Variants in CNTNAP2 observed in about 807,000 individuals in gnomAD.
CNTNAP2 encodes contactin associated protein 2.
CNTNAP2 carries 98 observed loss-of-function variants against 155.2 expected under a neutral mutation model. The observed-to-expected ratio is 0.63, with a 90% confidence interval of 0.54 to 0.75. The LOEUF (loss-of-function observed/expected upper bound fraction) is 0.75, where lower values mean the gene tolerates loss of function less well. Among genes scored for constraint, CNTNAP2 ranks in the 30% least tolerant of loss-of-function variants. CNTNAP2 has a pLI of 0.00. For synonymous variants in CNTNAP2, 651 were observed against 631.2 expected (o/e 1.03, Z -0.47); for missense variants, 1,727 against 1,688.1 (o/e 1.02, Z -0.40).
At chr7:148,411,736 C>A (rs6959095) in intron 23 of CNTNAP2, among the ~76,000 whole-genome samples, 88,012 of 150,692 alleles carry the variant, frequency 0.58, 26,464 homozygotes, top group African/African-American at 0.67. Flanking sequence ...GAAGAGTCAA[C>A]GTCAGTATTT....
intron 1 of CNTNAP2, among the ~76,000 whole-genome samples, chr7:146,428,457 G>A (rs2129116286): frequency 6.6e-6 from 1 of 151,962 alleles, no homozygotes. Flanking sequence ...CTGTGAGATG[G>A]TGTCTCATTG....
chr7:147,091,438 C>T (rs1412416375), intron 4 of CNTNAP2, among the ~76,000 whole-genome samples: 1 of 152,018 alleles, frequency 6.6e-6, no homozygotes, highest in Non-Finnish European at 1.5e-5. Flanking sequence ...TAAAGAAACT[C>T]AACCATATAC....
At chr7:148,345,826 T>C (rs77662198) in intron 21 of CNTNAP2, among the ~76,000 whole-genome samples, 3,459 of 152,322 alleles carry the variant, frequency 0.023, 44 homozygotes, top group African/African-American at 0.043. Context: ...TAAACTTCCG[T>C]ATTTTTATTT....
chr7:147,708,175 T>C (rs1563060160), intron 13 of CNTNAP2, among the ~76,000 whole-genome samples: 1 of 152,196 alleles, frequency 6.6e-6, no homozygotes, highest in African/African-American at 2.4e-5. Context: ...GCTGTATACA[T>C]GTGTTTAGGG....
In CNTNAP2 at chr7:147,980,691, G is replaced by A. The variant is rs528316951; in HGVS notation, c.2383+2702G>A. On this transcript the variant is annotated intron_variant, in intron 15 of 23. Transcript: ENST00000361727. Reference sequence around the variant, plus strand: ...TGTAATCCCAGCACTTTGGGAGGCCGAGGCGGGCGGATCACGAGGTCAGGA... The same window carrying A: ...TGTAATCCCAGCACTTTGGGAGGCCAAGGCGGGCGGATCACGAGGTCAGGA... Among the ~76,000 whole-genome samples, 189 of 151,790 alleles carry A rather than the reference G, an allele frequency of 1.2e-3. 2 individuals carry two copies. In the East Asian group the frequency reaches 0.013, roughly 11 times the overall value.
At chr7:147,976,433 A>C (rs995687964) in intron 14 of CNTNAP2, among the ~76,000 whole-genome samples, 1 of 152,256 alleles carries the variant, frequency 6.6e-6, no homozygotes, top group African/African-American at 2.4e-5. Flanking sequence ...TTTGTAAAAA[A>C]TTCCACAGAT....
At chr7:146,619,099 T>A (rs1039397545) in intron 1 of CNTNAP2, among the ~76,000 whole-genome samples, 7 of 151,708 alleles carry the variant, frequency 4.6e-5, no homozygotes, top group Non-Finnish European at 7.4e-5. Flanking sequence ...GTGAAATTTC[T>A]AAAATAATAA....
chr7:146,684,925 A>G (rs1298202423), intron 1 of CNTNAP2, among the ~76,000 whole-genome samples: 2 of 152,182 alleles, frequency 1.3e-5, no homozygotes, highest in Non-Finnish European at 2.9e-5. Flanking sequence ...TGTCAATTAA[A>G]TAATGTAAGC....
intron 3 of CNTNAP2, among the ~76,000 whole-genome samples, chr7:146,940,143 T>C (rs1271244055): frequency 6.6e-6 from 1 of 152,188 alleles, no homozygotes; most frequent in Non-Finnish European, 1.5e-5. Flanking sequence ...TAATATTTCA[T>C]TGATGTCACG....
intron 9 of CNTNAP2, among the ~76,000 whole-genome samples, chr7:147,313,310 T>C (rs1047146262): frequency 1.3e-5 from 2 of 151,166 alleles, no homozygotes; most frequent in Admixed American, 1.3e-4. Context: ...CCATTGCTTT[T>C]GGTGTTTTAG....
chr7:147,103,777 T>C (rs1231599283), intron 4 of CNTNAP2, among the ~76,000 whole-genome samples: 3 of 152,010 alleles, frequency 2.0e-5, no homozygotes, highest in Non-Finnish European at 2.9e-5. Context: ...ATTTGAGATA[T>C]ATGATTCCAC....
intron 21 of CNTNAP2, among the ~76,000 whole-genome samples, chr7:148,345,215 G>A (rs1443776667): frequency 6.6e-6 from 1 of 152,142 alleles, no homozygotes; most frequent in Admixed American, 6.5e-5. Flanking sequence ...TGTGCTGAGT[G>A]CTAAGTTAGA....
At chr7:146,517,505 T>C (rs1350438970) in intron 1 of CNTNAP2, among the ~76,000 whole-genome samples, 1 of 151,962 alleles carries the variant, frequency 6.6e-6, no homozygotes, top group African/African-American at 2.4e-5. Context: ...AAATGTCTGA[T>C]GTGGCTTGAA....
At chr7:146,259,058 G>C (rs930316485) in intron 1 of CNTNAP2, among the ~76,000 whole-genome samples, 1 of 152,064 alleles carries the variant, frequency 6.6e-6, no homozygotes, top group African/African-American at 2.4e-5. Flanking sequence ...CATGAAATCT[G>C]ATGGTTTAAA....
chr7:146,368,832 G>T (rs1422252585), intron 1 of CNTNAP2, among the ~76,000 whole-genome samples: 1 of 136,504 alleles, frequency 7.3e-6, no homozygotes, highest in Non-Finnish European at 1.5e-5. Context: ...TGATTCTTCA[G>T]TGGAGAAAAT....
At chr7:147,408,653 G>A (rs1044107080) in intron 10 of CNTNAP2, among the ~76,000 whole-genome samples, 2 of 152,308 alleles carry the variant, frequency 1.3e-5, no homozygotes, top group South Asian at 4.1e-4. Context: ...AGCTACTCGG[G>A]AGGCTGAGGC....
intron 15 of CNTNAP2, among the ~76,000 whole-genome samples, chr7:148,030,402 A>T (rs778155249): frequency 8.5e-5 from 13 of 152,334 alleles, no homozygotes; most frequent in Middle Eastern, 3.4e-3. Context: ...TTCTTTTAAA[A>T]TATGGAGTTA....
chr7:146,463,199 T>C (rs1221206977), intron 1 of CNTNAP2, among the ~76,000 whole-genome samples: 1 of 152,174 alleles, frequency 6.6e-6, no homozygotes, highest in Non-Finnish European at 1.5e-5. Context: ...ACTGTTATCT[T>C]GCTCAATTCT....
Position 146,562,076 on chromosome 7 carries a change from G to A in CNTNAP2, c.98-212195G>A, listed in dbSNP as rs537287702. ...AACTGCTGGGATTACAGCATGAGCC[G>A]CTGCACCCGGCCCAAAAACATTTTT... On this transcript the variant is annotated intron_variant, in intron 1 of 23. Transcript: ENST00000361727. Among the ~76,000 whole-genome samples, 1,058 of 152,156 alleles carry A rather than the reference G, an allele frequency of 7.0e-3. 16 individuals are homozygous for A. The highest frequency in any genetic ancestry group is 0.024 in the African/African-American group (993 of 41,524).
Sources: allele counts gnomAD v4.1 joint callset (sites outside exome capture counted in the v4.1 genomes callset), GRCh38; gene constraint gnomAD v4.1.1; transcripts MANE v1.5; gene names NCBI Gene and HGNC (gene_info 2026-07-23, HGNC 2026-07-21).